Variants in ST7 observed in about 807,000 individuals in gnomAD.
ST7 encodes the protein suppressor of tumorigenicity 7 protein.
Under a neutral mutation model 78.7 loss-of-function variants are expected in ST7, and 28 were observed. The observed-to-expected ratio is 0.36, with a 90% CI of 0.26 to 0.49. The LOEUF (loss-of-function observed/expected upper bound fraction) is 0.49, where lower values mean the gene tolerates loss of function less well. Among genes scored for constraint, ST7 ranks in the 20% least tolerant of loss-of-function variants. The pLI, the probability that ST7 is intolerant of heterozygous loss-of-function variation, is 0.99. For synonymous variants in ST7, 247 were observed against 249.6 expected (o/e 0.99, Z 0.10); for missense variants, 418 against 696.0 (o/e 0.60, Z 4.49).
At chr7:117,033,970 C>T (rs1796751965) in intron 1 of ST7, among the ~76,000 whole-genome samples, 1 of 152,012 alleles carries the variant, frequency 6.6e-6, no homozygotes, top group Non-Finnish European at 1.5e-5. Context: ...AGAGACAGGG[C>T]CTCACTCTGC....
chr7:117,050,501 A>G (rs1388074543), intron 1 of ST7, among the ~76,000 whole-genome samples: 1 of 152,178 alleles, frequency 6.6e-6, no homozygotes, highest in Non-Finnish European at 1.5e-5. Context: ...GGTGCCATGT[A>G]TGGTCTGTGT....
At chr7:116,983,971 C>T (rs906340762) in intron 1 of ST7, among the ~76,000 whole-genome samples, 1 of 152,160 alleles carries the variant, frequency 6.6e-6, no homozygotes, top group African/African-American at 2.4e-5. Context: ...TTGTCACATC[C>T]TTTGGTTCTT....
At chr7:117,115,307 T>A (rs1802773393) in intron 2 of ST7, among the ~76,000 whole-genome samples, 2 of 152,178 alleles carry the variant, frequency 1.3e-5, no homozygotes, top group Admixed American at 1.3e-4. Context: ...CATTCTTCTT[T>A]CTCTTTCTTC....
At chr7:117,208,151 ATTC>A in intron 12 of ST7, among the ~76,000 whole-genome samples, 1 of 152,264 alleles carries the variant, frequency 6.6e-6, no homozygotes, top group Middle Eastern at 3.4e-3. Flanking sequence ...GTAATTCTCT[ATTC>A]TTATTTTTCC....
At chr7:116,969,912 G>A (rs1793325577) in intron 1 of ST7, among the ~76,000 whole-genome samples, 1 of 152,014 alleles carries the variant, frequency 6.6e-6, no homozygotes, top group Non-Finnish European at 1.5e-5. Flanking sequence ...CCTGTGTCTA[G>A]TAAAAATACA....
At chr7:117,083,013 TATTG>T (rs989720519) in intron 1 of ST7, among the ~76,000 whole-genome samples, 1 of 152,232 alleles carries the variant, frequency 6.6e-6, no homozygotes, top group Admixed American at 6.5e-5. Context: ...ATTGGTCAAC[TATTG>T]AACACCTTCC....
At chr7:117,227,170 G>A (rs985577450) in intron 15 of ST7, among the ~76,000 whole-genome samples, 6 of 152,128 alleles carry the variant, frequency 3.9e-5, no homozygotes, top group Non-Finnish European at 7.4e-5. Context: ...GAGGCTCCCC[G>A]AGGACCCCAC....
chr7:116,967,349 C>T, intron 1 of ST7: 1 of 471,238 alleles, frequency 2.1e-6, no homozygotes, highest in Non-Finnish European at 4.4e-6. Flanking sequence ...ACTTGCGCTA[C>T]TCTCACTTCT....
At chr7:117,022,277 T>G (rs1157420120) in intron 1 of ST7, among the ~76,000 whole-genome samples, 1 of 152,198 alleles carries the variant, frequency 6.6e-6, no homozygotes, top group Non-Finnish European at 1.5e-5. Context: ...GTTTTTAGCA[T>G]TTTTTGTCTT....
chr7:116,966,566 A>G (rs1382940261), intron 1 of ST7, among the ~76,000 whole-genome samples: 1 of 152,118 alleles, frequency 6.6e-6, no homozygotes, highest in Non-Finnish European at 1.5e-5. Flanking sequence ...TATATGTTGC[A>G]TTTCATTAAA....
intron 1 of ST7, among the ~76,000 whole-genome samples, chr7:117,001,938 T>G (rs1173298098): frequency 6.6e-6 from 1 of 152,088 alleles, no homozygotes; most frequent in Non-Finnish European, 1.5e-5. Flanking sequence ...TTTAAAATGT[T>G]TTATTGGCCA....
intron 9 of ST7, among the ~76,000 whole-genome samples, chr7:117,159,167 G>A (rs989222237): frequency 6.6e-6 from 1 of 152,206 alleles, no homozygotes; most frequent in African/African-American, 2.4e-5. Flanking sequence ...AAAGCATACA[G>A]ACCGTAGTTC....
At chr7:117,016,986 T>G (rs1203018052) in intron 1 of ST7, among the ~76,000 whole-genome samples, 1 of 152,182 alleles carries the variant, frequency 6.6e-6, no homozygotes, top group African/African-American at 2.4e-5. Flanking sequence ...ATTTGATGAT[T>G]CAAGAACAGA....
chr7:117,163,004 A>G (rs1270839542), intron 9 of ST7, among the ~76,000 whole-genome samples: 2 of 152,150 alleles, frequency 1.3e-5, no homozygotes, highest in East Asian at 1.9e-4. Context: ...TTGCTTCTCC[A>G]TAGGAATGAG....
At chr7:116,971,760 G>A (rs1178192664) in intron 1 of ST7, among the ~76,000 whole-genome samples, 6 of 152,086 alleles carry the variant, frequency 3.9e-5, no homozygotes, top group South Asian at 2.1e-4. Flanking sequence ...CGGGCAATAT[G>A]CATTAAGCTG....
chr7:117,088,857 G>A (rs954988344), intron 1 of ST7, among the ~76,000 whole-genome samples: 1 of 152,162 alleles, frequency 6.6e-6, no homozygotes, highest in Admixed American at 6.5e-5. Flanking sequence ...GCATGTAATA[G>A]CTCTCTACAG....
intron 1 of ST7, among the ~76,000 whole-genome samples, chr7:117,058,204 T>C (rs1174538966): frequency 6.6e-6 from 1 of 152,194 alleles, no homozygotes; most frequent in African/African-American, 2.4e-5. Context: ...AGTCAGGTTA[T>C]CTATCTAAAT....
chr7:116,974,779 A>G (rs1214945916), intron 1 of ST7, among the ~76,000 whole-genome samples: 1 of 152,214 alleles, frequency 6.6e-6, no homozygotes, highest in East Asian at 1.9e-4. Context: ...AAAGTCATGA[A>G]AAAATTTGCA....
At chr7:117,052,730 TA>T (rs1283079442) in intron 1 of ST7, among the ~76,000 whole-genome samples, 2 of 152,126 alleles carry the variant, frequency 1.3e-5, no homozygotes, top group African/African-American at 4.8e-5. Flanking sequence ...CCGTCTCTAC[TA>T]AAAATACAAA....
Sources: allele counts gnomAD v4.1 joint callset (sites outside exome capture counted in the v4.1 genomes callset), GRCh38; gene constraint gnomAD v4.1.1; transcripts MANE v1.5; gene names NCBI Gene and HGNC (gene_info 2026-07-23, HGNC 2026-07-21).